Variants in SLCO3A1 observed in about 807,000 individuals in gnomAD.
The protein encoded by SLCO3A1 is PGE1 transporter.
SLCO3A1 carries 27 observed loss-of-function variants against 63.1 expected under a neutral mutation model. That is an observed-to-expected ratio of 0.43 (90% CI 0.32 to 0.59). SLCO3A1 has a LOEUF of 0.59. Among genes scored for constraint, SLCO3A1 ranks in the 20% least tolerant of loss-of-function variants. The pLI is 0.09. For synonymous variants in SLCO3A1, 473 were observed against 409.9 expected, an observed-to-expected ratio of 1.15 and a Z score of -1.86; for missense variants, 773 against 945.8, an observed-to-expected ratio of 0.82 and a Z score of 2.40.
intron 1 of SLCO3A1, among the ~76,000 whole-genome samples, chr15:91,914,442 G>T (rs1379023674): frequency 6.6e-6 from 1 of 152,102 alleles, no homozygotes; most frequent in Non-Finnish European, 1.5e-5. Flanking sequence ...GTTCAAACCA[G>T]GTTTTCTTCC....
At chr15:91,937,805 T>C (rs1039151109) in intron 2 of SLCO3A1, among the ~76,000 whole-genome samples, 3 of 151,964 alleles carry the variant, frequency 2.0e-5, no homozygotes, top group African/African-American at 7.3e-5. Context: ...GCACAGGTTA[T>C]GCAAAGTTTT....
intron 2 of SLCO3A1, among the ~76,000 whole-genome samples, chr15:92,027,699 T>A (rs2046592961): frequency 6.6e-6 from 1 of 152,234 alleles, no homozygotes; most frequent in Non-Finnish European, 1.5e-5. Context: ...TTCAACATTT[T>A]TATCCATGTC....
chr15:91,953,293 C>T (rs140914129), intron 2 of SLCO3A1, among the ~76,000 whole-genome samples: 40 of 152,286 alleles, frequency 2.6e-4, no homozygotes, highest in African/African-American at 9.4e-4. Flanking sequence ...TGGTGTGTTG[C>T]AGGAGGGAAC....
In SLCO3A1 at chr15:91,859,334, A is replaced by G. The variant is rs1037345872; in HGVS notation, c.180+5246A>G. Reference sequence around the variant, plus strand: ...CAATTCATTTTTATTTTCGGTTTCTATGTCTGTATCTGGAAAACAGATATA... The same window carrying G: ...CAATTCATTTTTATTTTCGGTTTCTGTGTCTGTATCTGGAAAACAGATATA... On this transcript the variant is annotated intron_variant, in intron 1 of 9. Transcript: ENST00000318445. The surrounding 1 kb of genome is among the most constrained non-coding windows in gnomAD (Gnocchi z 5.1). Among the ~76,000 whole-genome samples the G allele has an allele frequency of 1.4e-4, 21 of 152,196 alleles. No homozygotes were observed. The highest frequency in any genetic ancestry group is 4.8e-4 in the African/African-American group (20 of 41,438).
chr15:92,078,435 T>C (rs78291131), intron 2 of SLCO3A1, among the ~76,000 whole-genome samples: 4,045 of 152,320 alleles, frequency 0.027, 81 homozygotes, highest in Admixed American at 0.05. Flanking sequence ...TGCTTCTTGC[T>C]GTAGGCAGGT....
At chr15:92,076,546 A>G (rs1046424486) in intron 2 of SLCO3A1, among the ~76,000 whole-genome samples, 13 of 152,094 alleles carry the variant, frequency 8.5e-5, no homozygotes, top group South Asian at 2.1e-4. Flanking sequence ...GCATGAATCC[A>G]CGGATAGACA....
At chr15:91,890,269 G>A (rs1354647387) in intron 1 of SLCO3A1, among the ~76,000 whole-genome samples, 4 of 152,176 alleles carry the variant, frequency 2.6e-5, no homozygotes, top group Admixed American at 2.6e-4. Flanking sequence ...CTGTATAATT[G>A]TTCATCTCTC....
intron 2 of SLCO3A1, among the ~76,000 whole-genome samples, chr15:92,014,976 C>G (rs79485442): frequency 5.4e-4 from 82 of 152,222 alleles, no homozygotes; most frequent in African/African-American, 1.9e-3. Context: ...TTGCAGTCCC[C>G]CAAAAGGCTG....
chr15:92,004,300 C>G (rs1014014256), intron 2 of SLCO3A1, among the ~76,000 whole-genome samples: 1 of 152,222 alleles, frequency 6.6e-6, no homozygotes, highest in Non-Finnish European at 1.5e-5. Context: ...CCTCTGCATC[C>G]TCCTATACGG....
In SLCO3A1 at chr15:92,106,278, AG is replaced by A. The variant is rs2047666951; in HGVS notation, c.1009+1737del. On this transcript the variant is annotated intron_variant, in intron 4 of 9. Coordinates refer to ENST00000318445, the MANE Select transcript of SLCO3A1 (RefSeq NM_013272.4). ...AACTTAAGTTCCAGAATGCACCGGT[AG>A]ATGAGAAGGCCAGCCAATCTGTGTC... Among the ~76,000 whole-genome samples the A allele has an allele frequency of 1.3e-5, 2 of 152,236 alleles. 1 individual carries two copies. The highest frequency in any genetic ancestry group is 4.1e-4 in the South Asian group (2 of 4,832).
At chr15:91,998,361 C>T (rs201473891) in intron 2 of SLCO3A1, among the ~76,000 whole-genome samples, 22 of 151,790 alleles carry the variant, frequency 1.4e-4, no homozygotes, top group Non-Finnish European at 2.8e-4. Flanking sequence ...GGCTGAGGCA[C>T]GAGAATCACT....
intron 1 of SLCO3A1, among the ~76,000 whole-genome samples, chr15:91,903,486 T>G (rs1022934248): frequency 6.6e-6 from 1 of 152,192 alleles, no homozygotes; most frequent in Non-Finnish European, 1.5e-5. Flanking sequence ...TAGGTATTTT[T>G]GCAAAAGGGA....
chr15:92,022,485 C>G (rs1172817092), intron 2 of SLCO3A1, among the ~76,000 whole-genome samples: 3 of 152,202 alleles, frequency 2.0e-5, no homozygotes, highest in Non-Finnish European at 4.4e-5. Context: ...GAGGAAGAAG[C>G]TCTTGCCTTG....
Position 92,162,614 on chromosome 15 carries a change from G to A in SLCO3A1, c.1754-142G>A, listed in dbSNP as rs73544515. ...GCAGAACTGGGACACAAACTCATGC[G>A]CTTTGCCTCCTGAGCATGTCTTTGA... On this transcript the variant is annotated intron_variant, in intron 9 of 9. Coordinates refer to ENST00000318445, the MANE Select transcript of SLCO3A1 (RefSeq NM_013272.4). The A allele has an allele frequency of 5.2e-3, 7,002 of 1,345,044 alleles. 280 individuals are homozygous for A. In the African/African-American group the frequency reaches 0.089, roughly 17 times the overall value. The allele number at this position is 1,345,044 out of a possible 1,614,324, so 83.3% of individuals were successfully genotyped here. A position where few individuals can be genotyped will look rare whatever the true frequency, so the allele number is the denominator to read the frequency against.
downstream of SLCO3A1, among the ~76,000 whole-genome samples, chr15:92,168,696 G>A (rs751670973): frequency 3.0e-4 from 45 of 152,310 alleles, no homozygotes; most frequent in Non-Finnish European, 5.4e-4. Flanking sequence ...GTGTCTATCA[G>A]CCTTAACACT....
At chr15:91,995,045 G>C (rs2046174096) in intron 2 of SLCO3A1, among the ~76,000 whole-genome samples, 1 of 152,202 alleles carries the variant, frequency 6.6e-6, no homozygotes, top group Non-Finnish European at 1.5e-5. Context: ...AGACTACAAT[G>C]AATGATATTC....
chr15:92,093,213 A>C (rs1275721287), intron 2 of SLCO3A1, among the ~76,000 whole-genome samples: 1 of 152,210 alleles, frequency 6.6e-6, no homozygotes, highest in Admixed American at 6.5e-5. Flanking sequence ...TTTTGCAGAC[A>C]GTACCGGAAG....
intron 2 of SLCO3A1, among the ~76,000 whole-genome samples, chr15:91,986,586 CT>C (rs200624131): frequency 3.2e-4 from 48 of 148,802 alleles, no homozygotes; most frequent in East Asian, 1.4e-3. Context: ...CGTTTACATT[CT>C]TTTAAAAAAA....
intron 7 of SLCO3A1, among the ~76,000 whole-genome samples, chr15:92,144,051 C>A (rs1406619992): frequency 6.6e-6 from 1 of 152,200 alleles, no homozygotes; most frequent in Non-Finnish European, 1.5e-5. Flanking sequence ...TGGGACAGGT[C>A]GGCGCCTTCC....
Sources: gnomAD v4.1 joint callset for allele counts (sites outside exome capture counted in the v4.1 genomes callset) on GRCh38, gnomAD v4.1.1 for gene constraint, Gnocchi (gnomAD v3.1) non-coding constraint, MANE v1.5 for transcripts, NCBI Gene and HGNC (gene_info 2026-07-23, HGNC 2026-07-21) for gene names.